The following SAMD7 variants were observed in gnomAD, a reference collection of about 807,000 sequenced individuals.
SAMD7 encodes sterile alpha motif domain-containing protein 7.
Under a neutral mutation model 36.7 loss-of-function variants are expected in SAMD7, and 34 were observed. The ratio of observed to expected loss-of-function variants is 0.93; its 90% CI spans 0.71 to 1.23. The LOEUF is 1.23. SAMD7 is among the 50% of genes most tolerant of loss of function. The pLI is 0.00. For synonymous variants in SAMD7, 188 were observed against 189.7 expected, an observed-to-expected ratio of 0.99 and a Z score of 0.07; for missense variants, 570 against 546.6, an observed-to-expected ratio of 1.04 and a Z score of -0.43.
In SAMD7 at chr3:169,938,393, G is replaced by A. The variant is rs764565263; in HGVS notation, c.1228G>A (p.Ala410Thr). Residue 410 changes from alanine (A) to threonine (T), a missense_variant, in exon 9 of 9, where the codon GCA (alanine) becomes ACA (threonine). Ala to Thr is a moderately conservative substitution (Grantham distance 58, BLOSUM62 0). Transcript: ENST00000335556. ...TATAAGACAAGCATTTGATCAACCA[G>A]CAGATACATCCCCTCTTCTGGATCC... ...FPIRQAFDQP[A>T]DTSPLLDPNS... 5 of 1,612,140 alleles carry A rather than the reference G, an allele frequency of 3.1e-6. No homozygotes were observed. Among genetic ancestry groups the A allele is most frequent in the Admixed American group, 1.7e-5 (1 of 60,012 alleles).
At chr3:169,935,869 C>G (rs1417240965) in intron 7 of SAMD7, among the ~76,000 whole-genome samples, 1 of 152,096 alleles carries the variant, frequency 6.6e-6, no homozygotes, top group Non-Finnish European at 1.5e-5. Context: ...TTTCCCTCCC[C>G]TCCCTTTACC....
intron 7 of SAMD7, among the ~76,000 whole-genome samples, chr3:169,930,569 C>CT (rs1442239872): frequency 0.023 from 1,958 of 84,280 alleles, 38 homozygotes; most frequent in African/African-American, 0.049. Flanking sequence ...CTCATAGCCC[C>CT]TTTCTTTTCT....
At chr3:169,930,928 C>G (rs1713464374) in intron 7 of SAMD7, among the ~76,000 whole-genome samples, 1 of 152,092 alleles carries the variant, frequency 6.6e-6, no homozygotes, top group South Asian at 2.1e-4. Context: ...CTGAGATTAG[C>G]TGGCGTTAAA....
intron 5 of SAMD7, 122 bp downstream of exon 5, chr3:169,925,258 A>G: frequency 1.7e-6 from 1 of 587,044 alleles, no homozygotes; most frequent in Non-Finnish European, 2.9e-6. Flanking sequence ...ACACACACAA[A>G]TTACTTACAT....
chr3:169,923,036 GA>G (rs1256261256), intron 4 of SAMD7, among the ~76,000 whole-genome samples: 1 of 152,156 alleles, frequency 6.6e-6, no homozygotes, highest in Non-Finnish European at 1.5e-5. Flanking sequence ...TAGGAGGTGA[GA>G]ATTTCCTCAA....
intron 1 of SAMD7, among the ~76,000 whole-genome samples, chr3:169,912,167 T>G (rs1235553773): frequency 6.6e-6 from 1 of 152,212 alleles, no homozygotes; most frequent in South Asian, 2.1e-4. Context: ...ACAGATGAAG[T>G]ACCTACCTCT....
intron 2 of SAMD7, among the ~76,000 whole-genome samples, chr3:169,918,396 A>G (rs1712905570): frequency 6.6e-6 from 1 of 152,222 alleles, no homozygotes; most frequent in African/African-American, 2.4e-5. Flanking sequence ...CATCCCAGGT[A>G]ACCATTGTTC....
intron 6 of SAMD7, among the ~76,000 whole-genome samples, 156 bp downstream of exon 6, chr3:169,927,337 C>T (rs1171283933): frequency 1.4e-5 from 2 of 141,654 alleles, no homozygotes; most frequent in Non-Finnish European, 3.0e-5. Context: ...CTCAGTCGCC[C>T]AGGCTGGAGT....
chr3:169,929,470 T>C (rs1459586109), intron 7 of SAMD7, among the ~76,000 whole-genome samples: 1 of 152,202 alleles, frequency 6.6e-6, no homozygotes, highest in East Asian at 1.9e-4. Flanking sequence ...GTTAACTCTT[T>C]TTCTTTTTAT....
chr3:169,913,217 G>A (rs539452016), intron 1 of SAMD7, among the ~76,000 whole-genome samples: 2 of 152,244 alleles, frequency 1.3e-5, no homozygotes, highest in South Asian at 4.1e-4. Context: ...TCATTTTAAT[G>A]TATGTAATCA....
chr3:169,919,431 T>G, intron 2 of SAMD7, 27 bp from the exon 3 acceptor site: 7 of 1,178,998 alleles, frequency 5.9e-6, no homozygotes, highest in Non-Finnish European at 8.9e-6. Flanking sequence ...GAGTTATTTG[T>G]TAAAGTGTCT....
Position 169,919,558 on chromosome 3 carries a change from A to G in SAMD7, c.60A>G (p.Ser20=). 1 of 1,614,008 alleles carries G rather than the reference A, an allele frequency of 6.2e-7. No individual in the cohort carries two copies. The highest frequency in any genetic ancestry group is 8.5e-7 in the Non-Finnish European group (1 of 1,179,858). Reference sequence around the variant, plus strand: ...AGCAGACAATCCCACTGATCCCCTCACCATTTGGGCCTCCAACTGTGGACA... The same window carrying G: ...AGCAGACAATCCCACTGATCCCCTCGCCATTTGGGCCTCCAACTGTGGACA... ...TGQQTIPLIP[S]PFGPPTVDRD... is the part of the protein sequence containing the mutation. The change falls in exon 3 of 9, where the codon TCA becomes TCG. Residue 20 remains serine, a synonymous_variant. Coordinates refer to ENST00000335556, the MANE Select transcript of SAMD7 (RefSeq NM_001304366.2).
At chr3:169,934,494 A>T (rs1184042083) in intron 7 of SAMD7, among the ~76,000 whole-genome samples, 1 of 152,194 alleles carries the variant, frequency 6.6e-6, no homozygotes, top group Non-Finnish European at 1.5e-5. Flanking sequence ...TTTTAACTTC[A>T]TGTCACTGAA....
At chr3:169,926,469 T>A (rs920270413) in intron 5 of SAMD7, 84 bp from the exon 6 acceptor site, 1 of 1,367,512 alleles carries the variant, frequency 7.3e-7, no homozygotes, top group Non-Finnish European at 9.9e-7. Context: ...GTGTGAGGAC[T>A]ATTTTAGGGA....
At chr3:169,918,519 G>A (rs1271619339) in intron 2 of SAMD7, among the ~76,000 whole-genome samples, 1 of 152,050 alleles carries the variant, frequency 6.6e-6, no homozygotes, top group Non-Finnish European at 1.5e-5. Flanking sequence ...ATCATTCAAA[G>A]GATATTAAAG....
chr3:169,913,178 C>T (rs1336547074), intron 1 of SAMD7, among the ~76,000 whole-genome samples: 2 of 152,122 alleles, frequency 1.3e-5, no homozygotes, highest in Admixed American at 6.6e-5. Context: ...CAAAAACTTA[C>T]CAGATACAGC....
chr3:169,935,022 G>A (rs2108266383), intron 7 of SAMD7, among the ~76,000 whole-genome samples: 1 of 152,290 alleles, frequency 6.6e-6, no homozygotes, highest in Non-Finnish European at 1.5e-5. Context: ...ATGTCTGCAT[G>A]TTTGGTGGGA....
At chr3:169,921,159 A>T in intron 3 of SAMD7, 55 bp from the exon 4 acceptor site, 1 of 1,538,972 alleles carries the variant, frequency 6.5e-7, no homozygotes, top group East Asian at 2.3e-5. Context: ...AGCCATGGAA[A>T]TTGTGTACTC....
chr3:169,917,625 G>A (rs368220351), intron 2 of SAMD7, among the ~76,000 whole-genome samples: 66 of 146,116 alleles, frequency 4.5e-4, no homozygotes, highest in East Asian at 7.9e-4. Context: ...TTATTTGTTT[G>A]TTTATTTATT....
Sources: allele counts gnomAD v4.1 joint callset (sites outside exome capture counted in the v4.1 genomes callset), GRCh38; gene constraint gnomAD v4.1.1; transcripts MANE v1.5; gene names NCBI Gene and HGNC (gene_info 2026-07-23, HGNC 2026-07-21).